CHRD: variants seen among roughly 807,000 people sequenced by gnomAD.
CHRD encodes the protein chordin.
Under a neutral mutation model 113.7 loss-of-function variants are expected in CHRD, and 69 were observed. That is an observed-to-expected ratio of 0.61 (90% CI 0.50 to 0.74). The LOEUF (loss-of-function observed/expected upper bound fraction) is 0.74, where lower values mean the gene tolerates loss of function less well. CHRD is among the 30% of genes least tolerant of loss of function. The pLI is 0.00. For synonymous variants in CHRD, 561 were observed against 540.8 expected (o/e 1.04, Z -0.52); for missense variants, 1,194 against 1,295.8 (o/e 0.92, Z 1.21).
rs1473251484 is a variant in CHRD at position 184,387,050 on chromosome 3, G to A, written c.2291-1G>A. On this transcript the variant is annotated splice_acceptor_variant, in intron 17 of 22. Transcript: ENST00000204604. LOFTEE classifies it high-confidence loss of function. This position sits in a 1 kb window ranked among gnomAD's most constrained non-coding sequence, Gnocchi z 6.1. The stretch of plus-strand genomic sequence containing the variant: ...CTTTCACCATTTCTTTGGCTCCACA[G>A]AGAAACAAGATGTCAGAGACTTGCC... 1 of 1,614,200 alleles carries A rather than the reference G, an allele frequency of 6.2e-7. No homozygotes were observed. The highest frequency in any genetic ancestry group is 8.5e-7 in the Non-Finnish European group (1 of 1,180,028).
At chr3:184,385,030 C>T in exon 14 of CHRD, 1 of 1,613,938 alleles carries the variant, frequency 6.2e-7, no homozygotes, top group Middle Eastern at 1.7e-4. Flanking sequence ...CTGCCCGTGC[C>T]CCTAGCAGGA....
chr3:184,384,596 G>C lies in CHRD; in HGVS notation c.1500G>C (p.Glu500Asp), dbSNP rs1682532015. ...GGGCTCATATGCTGCTGCAGAATGA[G>C]CTCTTCCTGAACGTGGGCACCAAGG... The change falls in exon 13 of 23, where the codon GAG (glutamate) becomes GAC (aspartate). Residue 500 changes from glutamate (E) to aspartate (D), a missense_variant. Physicochemically the swap from Glu to Asp is conservative, Grantham distance 45 (BLOSUM62 2). Coordinates refer to ENST00000204604, the Ensembl canonical transcript of CHRD. This position sits in a 1 kb window ranked among gnomAD's most constrained non-coding sequence, Gnocchi z 4.4. 6.2e-7 allele frequency: 1 copy of C among 1,609,126 alleles called. No homozygotes were observed. The highest frequency in any genetic ancestry group is 1.3e-5 in the African/African-American group (1 of 74,960).
At position 184,382,842 on chromosome 3, in the gene CHRD, G is replaced by A. The variant is rs1244472447; in HGVS notation, c.983-14G>A. The A allele has an allele frequency of 1.2e-6, 2 of 1,612,718 alleles. No homozygotes were observed. Among genetic ancestry groups the A allele is most frequent in the South Asian group, 1.1e-5 (1 of 90,914 alleles). ...GCACCTGTCTCAGAAAGGCCCACATGTGCGGCCTTGCAGGACTAACCCAGG... is the reference window on the plus strand; with the variant it reads ...GCACCTGTCTCAGAAAGGCCCACATATGCGGCCTTGCAGGACTAACCCAGG... On this transcript the variant is annotated splice_polypyrimidine_tract_variant and intron_variant, in intron 8 of 22. Coordinates refer to ENST00000204604, the Ensembl canonical transcript of CHRD.
rs1354307377 is a variant in CHRD, at chr3:184,386,546, GC to G, written c.1989del (p.Glu664ArgfsTer25). 3 of 1,538,858 alleles carry G rather than the reference GC, an allele frequency of 1.9e-6. No homozygotes were observed. Among genetic ancestry groups the G allele is most frequent in the Non-Finnish European group, 1.7e-6 (2 of 1,149,998 alleles). ...CGGACTGCGCCTGGAGGCGGCCGGG[GC>G]CGAGGGGGTGCGGGCGCTGGGGGCT... On this transcript the variant is annotated frameshift_variant, in exon 16 of 23. Coordinates refer to ENST00000204604, the Ensembl canonical transcript of CHRD. LOFTEE classifies it high-confidence loss of function.
rs891090997 is a variant in CHRD, at chr3:184,384,398, C to A, written c.1441-139C>A. The A allele has an allele frequency of 2.9e-6, 3 of 1,029,702 alleles. No homozygotes were observed. Among genetic ancestry groups the A allele is most frequent in the East Asian group, 5.8e-5 (2 of 34,688 alleles). 63.8% of individuals were successfully genotyped at this position (1,029,702 alleles called of 1,614,324 possible). A position where few individuals can be genotyped will look rare whatever the true frequency, so the allele number is the denominator to read the frequency against. ...GAAGCAGCAGGGGAGGGCCTTGAAA[C>A]TGGGCCTGCCAGGTCCTTATCCTGT... is the stretch of plus-strand genomic sequence containing the variant. On this transcript the variant is annotated intron_variant, in intron 12 of 22. Transcript: ENST00000204604. This position sits in a 1 kb window ranked among gnomAD's most constrained non-coding sequence, Gnocchi z 4.4.
chr3:184,382,406 G>T lies in CHRD; in HGVS notation c.717G>T (p.Arg239=), dbSNP rs182706085. Residue 239 remains arginine, a synonymous_variant, in exon 7 of 23, where the codon CGG becomes CGT. Transcript: ENST00000204604. ...TGCTCCAGGTCTGTGGGGTGTGGCGGGCAGTGCCTCGGTTGTCTCTGCGGC... is the reference window on the plus strand; with the variant it reads ...TGCTCCAGGTCTGTGGGGTGTGGCGTGCAGTGCCTCGGTTGTCTCTGCGGC... 3.1e-6 allele frequency: 5 copies of T among 1,614,122 alleles called. No homozygotes were observed. The Admixed American group carries it at 8.3e-5, about 27-fold the overall frequency.
exon 16 of CHRD, chr3:184,386,546 G>A: frequency 1.9e-6 from 3 of 1,538,858 alleles, no homozygotes; most frequent in South Asian, 1.2e-5. Flanking sequence ...GGCGGCCGGG[G>A]CCGAGGGGGT....
chr3:184,384,663 C>A lies in CHRD; in HGVS notation c.1567C>A (p.Pro523Thr), dbSNP rs755143908. 11 of 1,590,790 alleles carry A rather than the reference C, an allele frequency of 6.9e-6. No homozygotes were observed. Among genetic ancestry groups the A allele is most frequent in the South Asian group, 1.1e-5 (1 of 87,330 alleles). The change falls in exon 13 of 23, where the codon CCC (proline) becomes ACC (threonine). Residue 523 changes from proline (P) to threonine (T), a missense_variant. Transcript: ENST00000204604. The surrounding 1 kb of genome is among the most constrained non-coding windows in gnomAD (Gnocchi z 4.4). ...GCTTCGGGGGCACGTGGCTGCCCTG[C>A]CCTACTGTGGGCATAGCGCCCGCCA...
exon 17 of CHRD, chr3:184,386,852 C>T (rs1451687064): frequency 6.8e-6 from 11 of 1,614,048 alleles, no homozygotes; most frequent in African/African-American, 1.3e-5. Flanking sequence ...CAGAGACGAA[C>T]GGTGATCTGT....
In CHRD at chr3:184,386,694, G is replaced by A. The variant is rs201062199; in HGVS notation, c.2135G>A (p.Arg712His). The change falls in exon 16 of 23, where the codon CGC (arginine) becomes CAC (histidine). Residue 712 changes from arginine to histidine, a missense_variant. By Grantham distance (29) the Arg-to-His change is conservative. Transcript: ENST00000204604. ...ACATGCTTCTTCGAGGGGCAGCAGCGCCCCCACGGGGCTCGCTGGGCGCCC... is the reference window on the plus strand; with the variant it reads ...ACATGCTTCTTCGAGGGGCAGCAGCACCCCCACGGGGCTCGCTGGGCGCCC... 110 of 1,612,436 alleles carry A rather than the reference G, an allele frequency of 6.8e-5. 1 individual carries two copies. The Admixed American group carries it at 1.0e-3, about 15-fold the overall frequency.
At chr3:184,386,498 A>T (rs754971176) in exon 16 of CHRD, 2 of 1,538,688 alleles carry the variant, frequency 1.3e-6, no homozygotes, top group South Asian at 2.4e-5. Flanking sequence ...CCAGGTGCAC[A>T]TAGCCAACCA....
At chr3:184,382,680 C>T (rs777189939) in exon 8 of CHRD, 18 of 1,613,690 alleles carry the variant, frequency 1.1e-5, no homozygotes, top group South Asian at 4.4e-5. Flanking sequence ...CACAGCAGGG[C>T]GTAGGGGGCA....
Position 184,387,182 on chromosome 3 carries a change from G to A in CHRD, c.2347+75G>A. ...GGTTGAACCAGGAGGGGGACAAGAA[G>A]GGGAGAGTATATAGGGGGTGGCCTG... On this transcript the variant is annotated intron_variant, in intron 18 of 22. Coordinates refer to ENST00000204604, the Ensembl canonical transcript of CHRD. The surrounding 1 kb of genome is among the most constrained non-coding windows in gnomAD (Gnocchi z 6.1). 3 of 1,451,224 alleles carry A rather than the reference G, an allele frequency of 2.1e-6. No homozygotes were observed. The highest frequency in any genetic ancestry group is 2.9e-6 in the Non-Finnish European group (3 of 1,033,630). The allele number at this position is 1,451,224 out of a possible 1,614,324, so 89.9% of individuals were successfully genotyped here. A position where few individuals can be genotyped will look rare whatever the true frequency, so the allele number is the denominator to read the frequency against.
chr3:184,387,088 G>A lies in CHRD; in HGVS notation c.2328G>A (p.Arg776=), dbSNP rs1716441375. Residue 776 remains arginine (R), a synonymous_variant, in exon 18 of 23, where the codon AGG becomes AGA. Transcript: ENST00000204604. This position sits in a 1 kb window ranked among gnomAD's most constrained non-coding sequence, Gnocchi z 6.1. The stretch of plus-strand genomic sequence containing the variant: ...TCAGAGACTTGCCAGGGCTGCCAAG[G>A]AGCCGGGACCCAGGAGAGGGTGAGC... 6.2e-7 allele frequency: 1 copy of A among 1,614,162 alleles called. No homozygotes were observed. Among genetic ancestry groups the A allele is most frequent in the Non-Finnish European group, 8.5e-7 (1 of 1,180,002 alleles).
intron 15 of CHRD, 113 bp from the exon 16 acceptor site, chr3:184,386,379 T>G: frequency 7.0e-7 from 1 of 1,431,478 alleles, no homozygotes; most frequent in Non-Finnish European, 9.4e-7. Flanking sequence ...GGCATCCTCC[T>G]GGGCCACTGC....
rs1048098703 is a variant in CHRD, at chr3:184,387,087, G to C, written c.2327G>C (p.Arg776Thr). The stretch of plus-strand genomic sequence containing the variant: ...GTCAGAGACTTGCCAGGGCTGCCAA[G>C]GAGCCGGGACCCAGGAGAGGGTGAG... The change falls in exon 18 of 23, where the codon AGG (arginine) becomes ACG (threonine). Residue 776 changes from arginine (R) to threonine (T), a missense_variant. By Grantham distance (71) the Arg-to-Thr change is moderately conservative. Transcript: ENST00000204604. The surrounding 1 kb of genome is among the most constrained non-coding windows in gnomAD (Gnocchi z 6.1). 10 of 1,614,066 alleles carry C rather than the reference G, an allele frequency of 6.2e-6. No homozygotes were observed. Among genetic ancestry groups the C allele is most frequent in the African/African-American group, 1.3e-5 (1 of 74,930 alleles).
chr3:184,389,716 A>C, exon 23 of CHRD: 1 of 372,608 alleles, frequency 2.7e-6, no homozygotes, highest in Non-Finnish European at 5.0e-6. Context: ...TGGGATTTTT[A>C]ATTTATCTTC....
Position 184,388,541 on chromosome 3 carries a change from C to T in CHRD, c.2555-46C>T, listed in dbSNP as rs1716737651. 6.4e-7 allele frequency: 1 copy of T among 1,572,852 alleles called. No homozygotes were observed. The highest frequency in any genetic ancestry group is 8.6e-7 in the Non-Finnish European group (1 of 1,166,704). ...TATTCAAAGAGAATACTCATAAAAC[C>T]TTGTTGGTCCTCCTGGGCTGATCCT... On this transcript the variant is annotated intron_variant, in intron 20 of 22. Transcript: ENST00000204604. The surrounding 1 kb of genome is among the most constrained non-coding windows in gnomAD (Gnocchi z 6.1).
At position 184,381,390 on chromosome 3, in the gene CHRD, A is replaced by G. The variant is rs1715371676; in HGVS notation, c.382+26A>G. On this transcript the variant is annotated intron_variant, in intron 3 of 22. Transcript: ENST00000204604. The surrounding 1 kb of genome is among the most constrained non-coding windows in gnomAD (Gnocchi z 4.7). ...GTAAGTCTTGCTCCGCCCTGCGGGG[A>G]GGGAGGCAGGGCCACGATACTAGGT... 6.3e-7 allele frequency: 1 copy of G among 1,590,570 alleles called. No homozygotes were observed. Among genetic ancestry groups the G allele is most frequent in the Non-Finnish European group, 8.6e-7 (1 of 1,169,074 alleles).
Sources: allele counts gnomAD v4.1 joint callset, GRCh38; gene constraint gnomAD v4.1.1; non-coding constraint Gnocchi (gnomAD v3.1); transcripts MANE v1.5; gene names NCBI Gene and HGNC (gene_info 2026-07-23, HGNC 2026-07-21).